Variants in DEUP1 observed in about 807,000 individuals in gnomAD.
DEUP1 encodes the protein coiled-coil domain containing 67.
A neutral mutation model predicts 87.4 loss-of-function variants in DEUP1; 82 were observed. That is an observed-to-expected ratio of 0.94 (90% CI 0.78 to 1.13). DEUP1 has a LOEUF of 1.13. Ranked by LOEUF, DEUP1 falls within the 50% of genes most tolerant of loss-of-function variation. The probability of loss-of-function intolerance (pLI) is 0.00; values close to 1 mark genes in which losing one functional copy is unlikely to be tolerated. For missense variants in DEUP1, 663 were observed against 681.5 expected (o/e 0.97, Z 0.30); for synonymous variants, 214 against 222.7 (o/e 0.96, Z 0.35).
chr11:93,399,552 T>A (rs904611462), intron 11 of DEUP1, among the ~76,000 whole-genome samples: 7 of 151,796 alleles, frequency 4.6e-5, no homozygotes, highest in African/African-American at 1.7e-4. Flanking sequence ...TAAGGATGAG[T>A]TTGCTGTTAA....
At chr11:93,355,263 G>C in intron 2 of DEUP1, 108 bp from the exon 3 acceptor site, 1 of 1,004,724 alleles carries the variant, frequency 1.0e-6, no homozygotes, top group Non-Finnish European at 1.5e-6. Context: ...TTAAATAATT[G>C]AACAATTTCA....
In DEUP1 at chr11:93,384,442, A is replaced by G. The variant is rs141014069; in HGVS notation, c.790-956A>G. ...ACTTTTGCTTTAGGCAATTCTCCCA[A>G]TGTGCTTTGAGGGTCATCCTATCCA... On this transcript the variant is annotated intron_variant, in intron 7 of 13. Coordinates refer to ENST00000298050, the MANE Select transcript of DEUP1 (RefSeq NM_181645.4). Among the ~76,000 whole-genome samples the G allele has an allele frequency of 3.7e-3, 559 of 152,236 alleles. 7 individuals are homozygous for G. Among genetic ancestry groups the G allele is most frequent in the Middle Eastern group, 6.8e-3 (2 of 294 alleles).
intron 2 of DEUP1, among the ~76,000 whole-genome samples, chr11:93,348,935 G>A (rs1313847360): frequency 6.6e-6 from 1 of 152,092 alleles, no homozygotes; most frequent in Non-Finnish European, 1.5e-5. Context: ...TGCAGCTCAC[G>A]CAAAGCTGGG....
At chr11:93,411,021 A>T (rs1947421549) in intron 12 of DEUP1, 1 of 152,248 alleles carries the variant, frequency 6.6e-6, no homozygotes, top group African/African-American at 2.4e-5. Flanking sequence ...TAAAAGAAAC[A>T]GTATTTCAAA....
Position 93,355,420 on chromosome 11 carries a change from A to C in DEUP1, c.79A>C (p.Ile27Leu). 6.2e-7 allele frequency: 1 copy of C among 1,613,830 alleles called. No homozygotes were observed. The highest frequency in any genetic ancestry group is 8.5e-7 in the Non-Finnish European group (1 of 1,179,792). ...ELQELMEQID[I>L]MVSNKKMDWE... is the part of the protein sequence containing the mutation. ...TCAGGAATTAATGGAACAAATTGAC[A>C]TCATGGTAAGCAACAAGAAAATGGA... The change falls in exon 3 of 14, where the codon ATC becomes CTC. Residue 27 changes from isoleucine (I) to leucine (L), a missense_variant. Coordinates refer to ENST00000298050, the MANE Select transcript of DEUP1 (RefSeq NM_181645.4).
At chr11:93,366,607 T>C (rs1298369873) in intron 5 of DEUP1, among the ~76,000 whole-genome samples, 1 of 152,192 alleles carries the variant, frequency 6.6e-6, no homozygotes, top group African/African-American at 2.4e-5. Context: ...GACTCGCTAG[T>C]TGTGAAACCA....
Position 93,409,661 on chromosome 11 carries a change from T to A in DEUP1, c.1523+1234T>A, listed in dbSNP as rs75764106. Among the ~76,000 whole-genome samples the A allele has an allele frequency of 2.4e-3, 361 of 152,318 alleles. 9 individuals carry two copies. In the East Asian group the frequency reaches 0.067, roughly 28 times the overall value. ...GCTCATAAGCTCATAATAGTTAGCA[T>A]GAAAAACCTTCTATTTTGTTGTTAC... is the stretch of plus-strand genomic sequence containing the variant. On this transcript the variant is annotated intron_variant, in intron 12 of 13. Coordinates refer to ENST00000298050, the MANE Select transcript of DEUP1 (RefSeq NM_181645.4).
chr11:93,334,847 A>G (rs1165239769), intron 2 of DEUP1, among the ~76,000 whole-genome samples: 1 of 48,476 alleles, frequency 2.1e-5, no homozygotes, highest in Admixed American at 3.0e-4. Flanking sequence ...TTTCCAGAAC[A>G]TAATTATAGA....
At chr11:93,331,812 C>T (rs75233902) in intron 1 of DEUP1, among the ~76,000 whole-genome samples, 18,152 of 152,026 alleles carry the variant, frequency 0.12, 1,765 homozygotes, top group African/African-American at 0.26. Flanking sequence ...TTTGGGAGGC[C>T]GAGGTGGGTG....
chr11:93,409,998 G>A (rs1261284439), intron 12 of DEUP1, among the ~76,000 whole-genome samples: 1 of 152,000 alleles, frequency 6.6e-6, no homozygotes, highest in South Asian at 2.1e-4. Flanking sequence ...ATCTTTTTAA[G>A]TAAGCATACT....
At chr11:93,336,774 C>T (rs12807308) in intron 2 of DEUP1, among the ~76,000 whole-genome samples, 50,236 of 152,000 alleles carry the variant, frequency 0.33, 8,754 homozygotes, top group Non-Finnish European at 0.4. Flanking sequence ...AGCCATTCCT[C>T]CTGTTTTCAG....
chr11:93,399,366 T>C (rs1947045361), intron 11 of DEUP1, among the ~76,000 whole-genome samples: 1 of 151,956 alleles, frequency 6.6e-6, no homozygotes, highest in African/African-American at 2.4e-5. Flanking sequence ...TGGATCCTAT[T>C]TGGAATTGAA....
chr11:93,429,567 C>T (rs1565354551), intron 13 of DEUP1, among the ~76,000 whole-genome samples: 2 of 152,120 alleles, frequency 1.3e-5, no homozygotes, highest in Non-Finnish European at 2.9e-5. Flanking sequence ...ACAATAGCAC[C>T]TTCCTCTTCA....
chr11:93,362,645 T>C (rs1035988183), intron 4 of DEUP1, among the ~76,000 whole-genome samples: 2 of 151,870 alleles, frequency 1.3e-5, no homozygotes, highest in Non-Finnish European at 3.0e-5. Flanking sequence ...ATTTTTCTGT[T>C]CATCAAAAAG....
chr11:93,356,960 C>G lies in DEUP1; in HGVS notation c.214C>G (p.Arg72Gly). Residue 72 changes from arginine to glycine, a missense_variant, in exon 4 of 14, where the codon CGA becomes GGA. Transcript: ENST00000298050. ...ATTCTTCATGCAGGTAGGGTTACTT[C>G]GACAGAAATTGGACAGTCTGGAAAA... Reference protein sequence around the residue: ...DQKGQEVGLLRQKLDSLEKCN... With the variant: ...DQKGQEVGLLGQKLDSLEKCN... 4 of 1,594,610 alleles carry G rather than the reference C, an allele frequency of 2.5e-6. No homozygotes were observed. The highest frequency in any genetic ancestry group is 3.4e-6 in the Non-Finnish European group (4 of 1,171,554).
intron 9 of DEUP1, among the ~76,000 whole-genome samples, chr11:93,389,574 T>C (rs537031635): frequency 6.6e-6 from 1 of 152,342 alleles, no homozygotes; most frequent in South Asian, 2.1e-4. Context: ...TGCCAGGAAC[T>C]GTTCTAAGGA....
intron 4 of DEUP1, among the ~76,000 whole-genome samples, chr11:93,359,787 G>C (rs1945075122): frequency 1.3e-5 from 2 of 152,042 alleles, no homozygotes; most frequent in Admixed American, 1.3e-4. Flanking sequence ...AAAAACTATA[G>C]CCCCACTGCC....
chr11:93,375,034 C>CTTT (rs60565734), intron 7 of DEUP1, among the ~76,000 whole-genome samples: 2 of 126,596 alleles, frequency 1.6e-5, no homozygotes, highest in Non-Finnish European at 3.4e-5. Flanking sequence ...TTTTTCTTTT[C>CTTT]TTTTTTTTTT....
chr11:93,355,128 T>C (rs1426238175), intron 2 of DEUP1, among the ~76,000 whole-genome samples: 1 of 152,232 alleles, frequency 6.6e-6, no homozygotes, highest in Non-Finnish European at 1.5e-5. Flanking sequence ...AATTAGCATA[T>C]TCCTTAGAAT....
Sources: gnomAD v4.1 joint callset for allele counts (sites outside exome capture counted in the v4.1 genomes callset) on GRCh38, gnomAD v4.1.1 for gene constraint, MANE v1.5 for transcripts, NCBI Gene and HGNC (gene_info 2026-07-23, HGNC 2026-07-21) for gene names.